The following HERC2 variants were observed in gnomAD, a reference collection of about 807,000 sequenced individuals.
HERC2 encodes E3 ubiquitin-protein ligase HERC2.
HERC2 carries 102 observed loss-of-function variants against 537.7 expected under a neutral mutation model. The observed-to-expected ratio is 0.19, with a 90% CI of 0.16 to 0.22. The LOEUF (loss-of-function observed/expected upper bound fraction) is 0.22, where lower values mean the gene tolerates loss of function less well. Ranked by LOEUF, HERC2 falls within the 10% of genes least tolerant of loss-of-function variation. HERC2 has a pLI of 1.00. For missense variants in HERC2, 4,236 were observed against 6,198.2 expected, an observed-to-expected ratio of 0.68 and a Z score of 10.63; for synonymous variants, 2,224 against 2,466.2, an observed-to-expected ratio of 0.90 and a Z score of 2.91.
chr15:28,285,091 A>G (rs976396809), intron 4 of HERC2, among the ~76,000 whole-genome samples: 1 of 152,140 alleles, frequency 6.6e-6, no homozygotes, highest in Non-Finnish European at 1.5e-5. Flanking sequence ...AGACATTTAT[A>G]CTTTTATAGT....
intron 25 of HERC2, among the ~76,000 whole-genome samples, chr15:28,237,769 A>G (rs1321574407): frequency 6.6e-6 from 1 of 152,224 alleles, no homozygotes; most frequent in Non-Finnish European, 1.5e-5. Flanking sequence ...GTAAAGAATT[A>G]CACTTCTACA....
chr15:28,158,905 T>G (rs1222418992), intron 69 of HERC2, among the ~76,000 whole-genome samples: 1 of 152,250 alleles, frequency 6.6e-6, no homozygotes, highest in Non-Finnish European at 1.5e-5. Flanking sequence ...TAGTGCTTCC[T>G]TCAGGAGTTC....
At chr15:28,299,563 T>C (rs2245029) in intron 2 of HERC2, 47 bp from the exon 3 acceptor site, 113 of 963,050 alleles carry the variant, frequency 1.2e-4, no homozygotes, top group South Asian at 1.9e-4. Context: ...CACACTCACA[T>C]TGCAATTTTT....
chr15:28,161,218 AT>A (rs1272933212), intron 69 of HERC2, among the ~76,000 whole-genome samples: 1 of 152,226 alleles, frequency 6.6e-6, no homozygotes, highest in Non-Finnish European at 1.5e-5. Context: ...ACGTTTCAGA[AT>A]TTCAGATAAA....
chr15:28,166,374 A>C (rs897410386), intron 68 of HERC2, among the ~76,000 whole-genome samples: 1 of 152,266 alleles, frequency 6.6e-6, no homozygotes, highest in African/African-American at 2.4e-5. Flanking sequence ...ATTGGAATTA[A>C]AAGTACTGAT....
Position 28,238,673 on chromosome 15 carries a change from G to A in HERC2, c.3677C>T (p.Thr1226Ile), listed in dbSNP as rs769896498. 6.2e-7 allele frequency: 1 copy of A among 1,611,336 alleles called. No individual in the cohort carries two copies. Among genetic ancestry groups the A allele is most frequent in the South Asian group, 1.1e-5 (1 of 90,978 alleles). Residue 1226 changes from threonine (T) to isoleucine (I), a missense_variant, in exon 24 of 93, where the codon ACT becomes ATT. Physicochemically the swap from Thr to Ile is moderately conservative, Grantham distance 89. Coordinates refer to ENST00000261609, the MANE Select transcript of HERC2 (RefSeq NM_004667.6). ...ENHNKDGGFW[T>I]VIDGKVYDIK... The stretch of plus-strand genomic sequence containing the variant: ...ATCATACACCTTCCCGTCAATCACA[G>A]TCCAGAAGCCTCCATCTTTATTATG...
At chr15:28,227,034 G>T (rs1003502394) in intron 35 of HERC2, among the ~76,000 whole-genome samples, 2 of 152,222 alleles carry the variant, frequency 1.3e-5, no homozygotes, top group African/African-American at 4.8e-5. Context: ...CAGTACTTTG[G>T]GAGGCCAAGG....
chr15:28,252,370 G>C (rs1297416506), intron 20 of HERC2, among the ~76,000 whole-genome samples: 9 of 152,042 alleles, frequency 5.9e-5, no homozygotes, highest in East Asian at 3.9e-4. Context: ...AGGAACCCTA[G>C]ACTCACCCCC....
Position 28,280,072 on chromosome 15 carries a change from T to C in HERC2, c.538A>G (p.Lys180Glu), listed in dbSNP as rs754418284. The change falls in exon 5 of 93, where the codon AAA (lysine) becomes GAA (glutamate). Residue 180 changes from lysine to glutamate, a missense_variant. Physicochemically the swap from Lys to Glu is moderately conservative, Grantham distance 56. This residue lies in a region of HERC2 where 491 missense variants were observed against 559.3 expected (regional missense o/e 0.88). Transcript: ENST00000261609. The part of the protein sequence containing the change: ...SGISLPPVDK[K>E]SSRPAGKGVE... The stretch of plus-strand genomic sequence containing the variant: ...CTTTCTTCGCTTTATTGTTACCTTT[T>C]TTTGTCCACAGGAGGCAGAGAAATA... 6.2e-6 allele frequency: 10 copies of C among 1,610,600 alleles called. No homozygotes were observed. Among genetic ancestry groups the C allele is most frequent in the East Asian group, 2.2e-5 (1 of 44,860 alleles).
rs192649881 is a variant in HERC2, at chr15:28,256,548, C to G, written c.2518-231G>C. On this transcript the variant is annotated intron_variant, in intron 17 of 92. Coordinates refer to ENST00000261609, the MANE Select transcript of HERC2 (RefSeq NM_004667.6). ...AACATGTTTATGGAAAGCTCAAGAT[C>G]AGCAGAAGAGCTAAACAACTAGCAA... is the stretch of plus-strand genomic sequence containing the variant. 9.9e-5 allele frequency among the ~76,000 whole-genome samples: 15 copies of G among 152,276 alleles called. No individual in the cohort carries two copies. In the East Asian group the frequency reaches 1.4e-3, roughly 14 times the overall value.
chr15:28,293,901 A>C (rs1267939371), intron 3 of HERC2, among the ~76,000 whole-genome samples: 1 of 152,264 alleles, frequency 6.6e-6, no homozygotes, highest in Non-Finnish European at 1.5e-5. Context: ...CTTACACAGT[A>C]AGCGAAGAGA....
At position 28,265,527 on chromosome 15, in the gene HERC2, G is replaced by A. The variant is rs750741801; in HGVS notation, c.1870+91C>T. On this transcript the variant is annotated intron_variant, in intron 14 of 92. Coordinates refer to ENST00000261609, the MANE Select transcript of HERC2 (RefSeq NM_004667.6). The surrounding 1 kb of genome is among the most constrained non-coding windows in gnomAD (Gnocchi z 4.0). ...ACTGGGCGACAGGGTGGGTGGCCTC[G>A]TGAGGCCCACTGTACTCATCTCACT... 3.7e-5 allele frequency: 39 copies of A among 1,066,154 alleles called. No individual in the cohort carries two copies. The highest frequency in any genetic ancestry group is 2.2e-4 in the South Asian group (16 of 72,404). The allele number at this position is 1,066,154 out of a possible 1,614,324, so 66.0% of individuals were successfully genotyped here.
intron 35 of HERC2, 73 bp downstream of exon 35, chr15:28,228,144 AG>A (rs372157643): frequency 1.6e-6 from 2 of 1,238,316 alleles, no homozygotes; most frequent in South Asian, 1.4e-5. Context: ...AAAAAAAAAA[AG>A]AAAAGAAAAG....
intron 59 of HERC2, among the ~76,000 whole-genome samples, chr15:28,178,189 C>T (rs59147074): frequency 0.077 from 11,662 of 152,114 alleles, 1,545 homozygotes; most frequent in African/African-American, 0.27. Flanking sequence ...GAGATGGTGA[C>T]TGAAATGAGT....
At chr15:28,200,067 T>C (rs1008223655) in intron 48 of HERC2, among the ~76,000 whole-genome samples, 1 of 151,714 alleles carries the variant, frequency 6.6e-6, no homozygotes, top group Non-Finnish European at 1.5e-5. Context: ...GTCATAAGAG[T>C]GGGCCTCTGA....
At chr15:28,221,069 CCTGT>C (rs1420266886) in intron 36 of HERC2, among the ~76,000 whole-genome samples, 166 of 149,128 alleles carry the variant, frequency 1.1e-3, no homozygotes, top group African/African-American at 3.9e-3. Context: ...CATATGCCAC[CCTGT>C]CTGTCAGGGG....
intron 30 of HERC2, among the ~76,000 whole-genome samples, chr15:28,232,270 C>T (rs968476087): frequency 3.0e-4 from 45 of 152,126 alleles, no homozygotes; most frequent in African/African-American, 9.9e-4. Flanking sequence ...AGGCCAGGCG[C>T]GGTGGCTCAC....
chr15:28,223,474 C>G (rs941673920), intron 35 of HERC2, among the ~76,000 whole-genome samples: 8 of 152,056 alleles, frequency 5.3e-5, no homozygotes, highest in African/African-American at 1.7e-4. Context: ...GATAAACTAG[C>G]AGGGGAAACA....
intron 35 of HERC2, among the ~76,000 whole-genome samples, chr15:28,224,421 T>C (rs759076217): frequency 5.3e-5 from 8 of 152,120 alleles, no homozygotes; most frequent in Non-Finnish European, 1.2e-4. Flanking sequence ...AGGGTTTCTC[T>C]ATGTTGCCCA....
Sources: gnomAD v4.1 joint callset for allele counts (sites outside exome capture counted in the v4.1 genomes callset) on GRCh38, gnomAD v4.1.1 for gene constraint, gnomAD v4.1.1 regional missense constraint, Gnocchi (gnomAD v3.1) non-coding constraint, MANE v1.5 for transcripts, NCBI Gene and HGNC (gene_info 2026-07-23, HGNC 2026-07-21) for gene names.